Variants in IL3RA observed in about 807,000 individuals in gnomAD.
IL3RA encodes the protein interleukin 3 receptor subunit alpha, also known as interleukin-3 receptor subunit alpha.
A neutral mutation model predicts 52.3 loss-of-function variants in IL3RA; 73 were observed. The observed-to-expected ratio is 1.40, with a 90% confidence interval of 1.16 to 1.70. IL3RA has a LOEUF of 1.70. IL3RA is among the 40% of genes most tolerant of loss of function. The probability of loss-of-function intolerance (pLI) is 0.00; values close to 1 mark genes in which losing one functional copy is unlikely to be tolerated. For synonymous variants in IL3RA, 260 were observed against 194.0 expected (o/e 1.34, Z -2.83); for missense variants, 664 against 504.4 (o/e 1.32, Z -3.03).
intron 8 of IL3RA, among the ~76,000 whole-genome samples, chrX:1,360,946 C>CAT (rs1556631633): frequency 3.0e-5 from 1 of 33,530 alleles, no homozygotes. Flanking sequence ...TCTCCCTTCC[C>CAT]CTCTGTCTCT....
In IL3RA at chrX:1,366,467, A is replaced by C. The variant is rs867707520; in HGVS notation, c.874+1215A>C. On this transcript the variant is annotated intron_variant, in intron 9 of 11. Transcript: ENST00000331035. ...CGGGGTGAGCCGGGTGCGCGGGGTG[A>C]GCGGGGTGAGCGGGGTGAGCCGGGT... is the stretch of plus-strand genomic sequence containing the variant. Among the ~76,000 whole-genome samples, 39 of 37,676 alleles carry C rather than the reference A, an allele frequency of 1.0e-3. No individual in the cohort carries two copies. In the East Asian group the frequency reaches 0.011, roughly 10 times the overall value. The allele number at this position is 37,676 out of a possible 152,430, so 24.7% of individuals were successfully genotyped here.
At chrX:1,359,989 A>T (rs1401830801) in intron 8 of IL3RA, among the ~76,000 whole-genome samples, 1 of 87,400 alleles carries the variant, frequency 1.1e-5, no homozygotes, top group Non-Finnish European at 2.3e-5. Flanking sequence ...TTCTCCCTCC[A>T]TCTTTCTCTC....
intron 9 of IL3RA, among the ~76,000 whole-genome samples, chrX:1,365,690 C>A (rs1603448201): frequency 8.0e-5 from 2 of 24,952 alleles, no homozygotes; most frequent in South Asian, 6.1e-3. Context: ...GCGGGGTGAG[C>A]GGGGTGCGCG....
At chrX:1,359,550 C>A (rs779727566) in intron 8 of IL3RA, among the ~76,000 whole-genome samples, 64 of 149,038 alleles carry the variant, frequency 4.3e-4, no homozygotes, top group African/African-American at 1.5e-3. Flanking sequence ...CTCTATCTTT[C>A]TGGCTCTCTC....
intron 11 of IL3RA, among the ~76,000 whole-genome samples, chrX:1,381,607 G>A (rs2089181214): frequency 6.6e-6 from 1 of 151,124 alleles, no homozygotes; most frequent in Non-Finnish European, 1.5e-5. Context: ...GTGCGATCTT[G>A]GCTCACCACA....
chrX:1,339,099 C>G (rs1485848978), intron 1 of IL3RA, among the ~76,000 whole-genome samples: 1 of 152,074 alleles, frequency 6.6e-6, no homozygotes, highest in Non-Finnish European at 1.5e-5. Context: ...CTCAGCCTCC[C>G]AAAGTGCTGG....
In IL3RA at chrX:1,353,628, AC is replaced by A. The variant is rs749574828; in HGVS notation, c.616+1130del. 4.3e-4 allele frequency among the ~76,000 whole-genome samples: 18 copies of A among 42,124 alleles called. 5 individuals are homozygous for A. Among genetic ancestry groups the A allele is most frequent in the African/African-American group, 9.9e-4 (10 of 10,096 alleles). The allele number at this position is 42,124 out of a possible 152,430, so 27.6% of individuals were successfully genotyped here. On this transcript the variant is annotated intron_variant, in intron 6 of 11. Coordinates refer to ENST00000331035, the MANE Select transcript of IL3RA (RefSeq NM_002183.4). ...CATAGGTCCCATCATGGGTCATGGGACCCCCCCCATCATGGGTTCCATCACG... is the reference window on the plus strand; with the variant it reads ...CATAGGTCCCATCATGGGTCATGGGACCCCCCCATCATGGGTTCCATCACG...
intron 7 of IL3RA, among the ~76,000 whole-genome samples, chrX:1,356,869 CT>C (rs2086773382): frequency 6.6e-6 from 1 of 150,994 alleles, no homozygotes; most frequent in Non-Finnish European, 1.5e-5. Context: ...CTTGAACTTT[CT>C]TTTTTCTTTT....
At chrX:1,354,269 G>C (rs1482045796) in intron 6 of IL3RA, among the ~76,000 whole-genome samples, 1 of 152,150 alleles carries the variant, frequency 6.6e-6, no homozygotes, top group Non-Finnish European at 1.5e-5. Context: ...CCAGGGGTTA[G>C]AGCTTCAGTG....
At chrX:1,363,814 G>A (rs1471340224) in intron 8 of IL3RA, among the ~76,000 whole-genome samples, 3 of 151,906 alleles carry the variant, frequency 2.0e-5, no homozygotes, top group Admixed American at 1.3e-4. Context: ...CTGCCTCCTG[G>A]GCTCAAGGGA....
intron 4 of IL3RA, among the ~76,000 whole-genome samples, chrX:1,348,845 C>G (rs1214162627): frequency 7.0e-6 from 1 of 143,448 alleles, no homozygotes; most frequent in Non-Finnish European, 1.5e-5. Flanking sequence ...CTCCCTCCTC[C>G]TTCCCACCCT....
At position 1,356,338 on chromosome X, in the gene IL3RA, T is replaced by C; in HGVS notation, c.732+2T>C. 1 of 1,600,870 alleles carries C rather than the reference T, an allele frequency of 6.2e-7. No homozygotes were observed. Among genetic ancestry groups the C allele is most frequent in the South Asian group, 1.1e-5 (1 of 90,762 alleles). Reference sequence around the variant, plus strand: ...CGCTATGAGCTTCAGATACAAAAGGTAAACTTTCACCCCGCCCCCAGCCCC... The same window carrying C: ...CGCTATGAGCTTCAGATACAAAAGGCAAACTTTCACCCCGCCCCCAGCCCC... On this transcript the variant is annotated splice_donor_variant, in intron 7 of 11. Transcript: ENST00000331035. LOFTEE classifies it high-confidence loss of function.
rs765674518 is a variant in IL3RA, at chrX:1,348,469, C to G, written c.222C>G (p.Ser74=). ...GCTATTGCCAGTTTGGAGCAATTTCCTTATGTGAAGTGACCAACTACACCG... is the reference window on the plus strand; with the variant it reads ...GCTATTGCCAGTTTGGAGCAATTTCGTTATGTGAAGTGACCAACTACACCG... ...NNSYCQFGAI[S]LCEVTNYTVR... Residue 74 remains serine (S), a synonymous_variant, in exon 4 of 12, where the codon TCC becomes TCG. Transcript: ENST00000331035. 1.2e-6 allele frequency: 2 copies of G among 1,613,902 alleles called. No individual in the cohort carries two copies. The highest frequency in any genetic ancestry group is 1.7e-6 in the Non-Finnish European group (2 of 1,179,830).
intron 10 of IL3RA, 93 bp downstream of exon 10, chrX:1,378,857 T>C (rs767717184): frequency 8.4e-7 from 1 of 1,197,572 alleles, no homozygotes; most frequent in South Asian, 1.3e-5. Flanking sequence ...TCATTATTAT[T>C]TTTGTGATGG....
At chrX:1,381,341 T>C in intron 11 of IL3RA, among the ~76,000 whole-genome samples, 1 of 151,986 alleles carries the variant, frequency 6.6e-6, no homozygotes, top group East Asian at 1.9e-4. Context: ...GAGGCTGCAG[T>C]GAACTACGAT....
chrX:1,352,184 CG>C lies in IL3RA; in HGVS notation c.388del (p.Ala130ProfsTer11). ...TTGAGCTGCAGCTGGGCGGTAGGCCCGGGGGCCCCCGCGGACGTCCAGTACG... is the reference window on the plus strand; with the variant it reads ...TTGAGCTGCAGCTGGGCGGTAGGCCCGGGGCCCCCGCGGACGTCCAGTACG... ...DFLSCSWAVGPGAPADVQYDL... is the reference protein window; with the variant it reads ...DFLSCSWAVGXGAPADVQYDL... On this transcript the variant is annotated frameshift_variant, in exon 5 of 12. Coordinates refer to ENST00000331035, the MANE Select transcript of IL3RA (RefSeq NM_002183.4). LOFTEE classifies it high-confidence loss of function. 4.3e-6 allele frequency: 7 copies of C among 1,613,598 alleles called. No homozygotes were observed. Among genetic ancestry groups the C allele is most frequent in the Non-Finnish European group, 5.9e-6 (7 of 1,179,822 alleles).
intron 9 of IL3RA, among the ~76,000 whole-genome samples, chrX:1,370,862 A>G (rs1377010303): frequency 2.5e-5 from 1 of 40,014 alleles, no homozygotes; most frequent in East Asian, 5.8e-4. Flanking sequence ...AGGAACCAGC[A>G]CTGCCCACAC....
At chrX:1,353,642 GGGTT>G (rs2086323776) in intron 6 of IL3RA, among the ~76,000 whole-genome samples, 1 of 42,814 alleles carries the variant, frequency 2.3e-5, no homozygotes, top group South Asian at 7.5e-4. Context: ...CCCCCATCAT[GGGTT>G]CCATCACGGG....
chrX:1,347,406 C>G (rs754188435), intron 3 of IL3RA, among the ~76,000 whole-genome samples: 2 of 151,586 alleles, frequency 1.3e-5, no homozygotes, highest in African/African-American at 2.4e-5. Context: ...GATCGCGCCA[C>G]TGCACTCCAG....
Sources: gnomAD v4.1 joint callset for allele counts (sites outside exome capture counted in the v4.1 genomes callset) on GRCh38, gnomAD v4.1.1 for gene constraint, MANE v1.5 for transcripts, NCBI Gene and HGNC (gene_info 2026-07-23, HGNC 2026-07-21) for gene names.